Variants in GUF1 observed in about 807,000 individuals in gnomAD.
GUF1 encodes translation factor GUF1, mitochondrial.
GUF1 carries 78 observed loss-of-function variants against 82.4 expected under a neutral mutation model. That is an observed-to-expected ratio of 0.95 (90% CI 0.79 to 1.14). GUF1 has a LOEUF of 1.14. GUF1 is among the 50% of genes most tolerant of loss of function. The pLI is 0.00. For synonymous variants in GUF1, 279 were observed against 282.3 expected, an observed-to-expected ratio of 0.99 and a Z score of 0.12; for missense variants, 814 against 798.2, an observed-to-expected ratio of 1.02 and a Z score of -0.24.
chr4:44,685,734 A>G (rs1377725722), intron 6 of GUF1, among the ~76,000 whole-genome samples: 1 of 152,096 alleles, frequency 6.6e-6, no homozygotes, highest in Non-Finnish European at 1.5e-5. Flanking sequence ...TACCATAATT[A>G]GGACTCTCTT....
intron 2 of GUF1, 51 bp downstream of exon 2, chr4:44,680,603 T>G (rs1372262134): frequency 6.9e-7 from 1 of 1,447,408 alleles, no homozygotes; most frequent in East Asian, 2.4e-5. Flanking sequence ...TTATTGGGAA[T>G]TACTTTTACT....
chr4:44,690,072 T>A, intron 11 of GUF1, 97 bp downstream of exon 11: 1 of 802,564 alleles, frequency 1.2e-6, no homozygotes, highest in Non-Finnish European at 1.8e-6. Context: ...AGCTTTTTAC[T>A]ATACCAATAG....
Position 44,694,456 on chromosome 4 carries a change from A to T in GUF1, c.1658A>T (p.Lys553Ile). The change falls in exon 14 of 17, where the codon AAA becomes ATA. Residue 553 changes from lysine to isoleucine, a missense_variant. Physicochemically the swap from Lys to Ile is moderately radical, Grantham distance 102. Transcript: ENST00000281543. ...GGCTACCAGACTGCAGAACTTGTAA[A>T]AATGGATATTCTACTGAATGGAAAT... ...DAGYQTAELVKMDILLNGNTV... is the reference protein window; with the variant it reads ...DAGYQTAELVIMDILLNGNTV... The T allele has an allele frequency of 6.2e-7, 1 of 1,612,864 alleles. No individual in the cohort carries two copies. The highest frequency in any genetic ancestry group is 8.5e-7 in the Non-Finnish European group (1 of 1,179,192).
chr4:44,681,026 TA>T, intron 3 of GUF1, 96 bp from the exon 4 acceptor site: 1 of 1,204,152 alleles, frequency 8.3e-7, no homozygotes, highest in Non-Finnish European at 1.2e-6. Flanking sequence ...AACGAATATT[TA>T]ACAGCTTTTA....
At chr4:44,680,346 T>C (rs561836440) in intron 1 of GUF1, 95 bp from the exon 2 acceptor site, 588 of 589,266 alleles carry the variant, frequency 1.0e-3, no homozygotes, top group Non-Finnish European at 1.2e-3. Context: ...AGAAATGATA[T>C]TGTTCAACGA....
At chr4:44,695,801 TA>T in intron 15 of GUF1, 67 bp downstream of exon 15, 4 of 1,471,448 alleles carry the variant, frequency 2.7e-6, no homozygotes, top group Non-Finnish European at 3.7e-6. Flanking sequence ...AGTGAAAGAA[TA>T]TTGAACATTT....
rs1176457169 is a variant in GUF1, at chr4:44,678,541, AC to A, written c.-81del. The A allele has an allele frequency of 2.6e-6, 3 of 1,155,748 alleles. No homozygotes were observed. The East Asian group carries it at 9.4e-5, about 36-fold the overall frequency. 71.6% of individuals were successfully genotyped at this position (1,155,748 alleles called of 1,614,324 possible). A position where few individuals can be genotyped will look rare whatever the true frequency, so the allele number is the denominator to read the frequency against. On this transcript the variant is annotated 5_prime_UTR_variant, in exon 1 of 17. Transcript: ENST00000281543. ...GTTTGAGTCCTGTCCACCGGATCCT[AC>A]GGGGGGTACCTTCGAAAAAAAACGG...
chr4:44,687,902 A>C (rs1283848658), intron 8 of GUF1, 105 bp from the exon 9 acceptor site: 2 of 965,106 alleles, frequency 2.1e-6, no homozygotes, highest in Non-Finnish European at 3.1e-6. Context: ...GTGTATGGAA[A>C]GTTTGGAAAG....
At position 44,698,694 on chromosome 4, in the gene GUF1, CAA is replaced by C; in HGVS notation, c.*15_*16del. 3.8e-6 allele frequency: 6 copies of C among 1,575,454 alleles called. No individual in the cohort carries two copies. The South Asian group carries it at 5.9e-5, about 16-fold the overall frequency. On this transcript the variant is annotated 3_prime_UTR_variant, in exon 17 of 17. Coordinates refer to ENST00000281543, the MANE Select transcript of GUF1 (RefSeq NM_021927.3). ...ATCTTCTAAATAATTGGTGGGAAAA[CAA>C]AGAATTTTCATTGCAATTTGTAATA...
At chr4:44,696,021 G>C (rs1485071298) in intron 15 of GUF1, among the ~76,000 whole-genome samples, 1 of 152,066 alleles carries the variant, frequency 6.6e-6, no homozygotes, top group African/African-American at 2.4e-5. Flanking sequence ...CCTGGGTAAG[G>C]AATTTCTTTT....
chr4:44,682,979 A>G (rs551786724), intron 5 of GUF1, among the ~76,000 whole-genome samples: 23 of 152,112 alleles, frequency 1.5e-4, no homozygotes, highest in African/African-American at 5.5e-4. Context: ...ATAAATTACT[A>G]CTGATCTCTT....
At chr4:44,683,549 A>G (rs1229897739) in intron 6 of GUF1, among the ~76,000 whole-genome samples, 1 of 152,120 alleles carries the variant, frequency 6.6e-6, no homozygotes, top group Non-Finnish European at 1.5e-5. Context: ...CAAAGGTTTT[A>G]TCACTTTCCT....
rs1714558350 is a variant in GUF1 at position 44,678,524 on chromosome 4, C to A, written c.-99C>A. ...TTCGCTTCACAGGATCTGTTTGAGT[C>A]CTGTCCACCGGATCCTACGGGGGGT... On this transcript the variant is annotated 5_prime_UTR_variant, in exon 1 of 17. Coordinates refer to ENST00000281543, the MANE Select transcript of GUF1 (RefSeq NM_021927.3). The A allele has an allele frequency of 3.1e-6, 3 of 972,738 alleles. No homozygotes were observed. The highest frequency in any genetic ancestry group is 2.4e-5 in the South Asian group (1 of 41,670). The allele number at this position is 972,738 out of a possible 1,614,324, so 60.3% of individuals were successfully genotyped here.
Position 44,689,422 on chromosome 4 carries a change from C to T in GUF1, c.1202+13C>T. On this transcript the variant is annotated intron_variant, in intron 10 of 16. Coordinates refer to ENST00000281543, the MANE Select transcript of GUF1 (RefSeq NM_021927.3). Reference sequence around the variant, plus strand: ...GTGCTGGCTGGAGGTAAGATTCATTCACATGTGTTTTATAGGAAAGGGAGG... The same window carrying T: ...GTGCTGGCTGGAGGTAAGATTCATTTACATGTGTTTTATAGGAAAGGGAGG... The T allele has an allele frequency of 6.3e-7, 1 of 1,594,718 alleles. No homozygotes were observed. Among genetic ancestry groups the T allele is most frequent in the Non-Finnish European group, 8.5e-7 (1 of 1,170,498 alleles).
intron 13 of GUF1, among the ~76,000 whole-genome samples, chr4:44,692,375 A>C (rs1454561142): frequency 6.6e-6 from 1 of 151,840 alleles, no homozygotes; most frequent in Non-Finnish European, 1.5e-5. Flanking sequence ...ACAAATAAGA[A>C]ACTCAGGGCA....
rs747873662 is a variant in GUF1 at position 44,681,208 on chromosome 4, G to A, written c.507+5G>A. ...CTTGTGGTTGATGCAAATGAGGTAG[G>A]TATTTTTCATTTTGTATGATGTGAT... On this transcript the variant is annotated splice_donor_5th_base_variant and intron_variant, in intron 4 of 16. Transcript: ENST00000281543. 3 of 1,599,824 alleles carry A rather than the reference G, an allele frequency of 1.9e-6. No homozygotes were observed. The South Asian group carries it at 3.3e-5, about 18-fold the overall frequency.
intron 6 of GUF1, 99 bp downstream of exon 6, chr4:44,683,417 G>T: frequency 1.7e-6 from 1 of 605,726 alleles, no homozygotes. Flanking sequence ...ATTATATGCT[G>T]TTTTTTATAG....
At chr4:44,690,972 G>C in intron 12 of GUF1, 112 bp downstream of exon 12, 2 of 637,616 alleles carry the variant, frequency 3.1e-6, no homozygotes, top group Non-Finnish European at 5.2e-6. Context: ...AATTTAATGA[G>C]ATTTTCATAT....
rs560706043 is a variant in GUF1, at chr4:44,680,572, T to A, written c.277+20T>A. On this transcript the variant is annotated intron_variant, in intron 2 of 16. Coordinates refer to ENST00000281543, the MANE Select transcript of GUF1 (RefSeq NM_021927.3). ...TTACAGGTATTTCATTTATGTTACA[T>A]ACTTAACTGATGGCTGCGAGTTATT... 6 of 1,521,892 alleles carry A rather than the reference T, an allele frequency of 3.9e-6. No individual in the cohort carries two copies. The South Asian group carries it at 6.1e-5, about 15-fold the overall frequency. The allele number at this position is 1,521,892 out of a possible 1,614,324, so 94.3% of individuals were successfully genotyped here. A position where few individuals can be genotyped will look rare whatever the true frequency, so the allele number is the denominator to read the frequency against.
Sources: gnomAD v4.1 joint callset for allele counts (sites outside exome capture counted in the v4.1 genomes callset) on GRCh38, gnomAD v4.1.1 for gene constraint, MANE v1.5 for transcripts, NCBI Gene and HGNC (gene_info 2026-07-23, HGNC 2026-07-21) for gene names.